IGSF9B: variants seen among roughly 807,000 people sequenced by gnomAD.
The protein encoded by IGSF9B is protein turtle homolog B.
Under a neutral mutation model 143.7 loss-of-function variants are expected in IGSF9B, and 48 were observed. The ratio of observed to expected loss-of-function variants is 0.33; its 90% CI spans 0.26 to 0.42. The LOEUF is 0.42. Ranked by LOEUF, IGSF9B falls within the 20% of genes least tolerant of loss-of-function variation. IGSF9B has a pLI of 1.00. For missense variants in IGSF9B, 1,706 were observed against 1,980.0 expected (o/e 0.86, Z 2.63); for synonymous variants, 903 against 833.1 (o/e 1.08, Z -1.44).
rs1939333227 is a variant in IGSF9B at position 133,913,593 on chromosome 11, C to G, written c.3984-1586G>C. Among the ~76,000 whole-genome samples, 1 of 152,242 alleles carries G rather than the reference C, an allele frequency of 6.6e-6. No individual in the cohort carries two copies. On this transcript the variant is annotated intron_variant, in intron 18 of 19. Coordinates refer to ENST00000533871, the MANE Select transcript of IGSF9B (RefSeq NM_001277285.4). This position sits in a 1 kb window ranked among gnomAD's most constrained non-coding sequence, Gnocchi z 4.6. ...ACCTCTTGACTTTCCATAGCCCTGA[C>G]AGCAGAGCTAAGAAGGCTACACAGG...
intron 7 of IGSF9B, 60 bp downstream of exon 7, chr11:133,935,557 G>C: frequency 6.5e-7 from 1 of 1,542,420 alleles, no homozygotes; most frequent in Non-Finnish European, 8.8e-7. Context: ...CCTACAGTCT[G>C]GCTAACACCA....
intron 1 of IGSF9B, among the ~76,000 whole-genome samples, chr11:133,949,497 T>C (rs1940120250): frequency 6.6e-6 from 1 of 151,882 alleles, no homozygotes; most frequent in Admixed American, 6.6e-5. Flanking sequence ...AGATGGAGGA[T>C]AGATAGAGAA....
In IGSF9B at chr11:133,922,582, G is replaced by C. The variant is rs1203614901; in HGVS notation, c.2268C>G (p.Leu756=). 1 of 1,609,538 alleles carries C rather than the reference G, an allele frequency of 6.2e-7. No homozygotes were observed. The change falls in exon 16 of 20, where the codon CTC becomes CTG. Residue 756 remains leucine, a synonymous_variant. Transcript: ENST00000533871. ...ACAGACACCCACCTTTTTTGCGCTT[G>C]AGCTTACGCTTGCGCTGCTTGTTGA... is the stretch of plus-strand genomic sequence containing the variant. ...CFVNKQRKRK[L]KRKKDPPLSI...
chr11:133,940,485 GAAAC>G (rs1391945724), intron 3 of IGSF9B, among the ~76,000 whole-genome samples: 1 of 98,488 alleles, frequency 1.0e-5, no homozygotes, highest in Non-Finnish European at 1.9e-5. Flanking sequence ...ATCGCATACA[GAAAC>G]ATACACCTTG....
chr11:133,919,408 C>T (rs954086149), intron 18 of IGSF9B, among the ~76,000 whole-genome samples: 1 of 152,174 alleles, frequency 6.6e-6, no homozygotes. Flanking sequence ...CTCGGAGAGC[C>T]GTCAACTCCA....
chr11:133,947,192 C>T (rs138271733), intron 1 of IGSF9B, among the ~76,000 whole-genome samples: 56 of 152,260 alleles, frequency 3.7e-4, no homozygotes, highest in African/African-American at 1.3e-3. Flanking sequence ...GAGGAAGAGC[C>T]ACGCACCCCA....
chr11:133,944,929 G>A (rs1940019042), intron 2 of IGSF9B, among the ~76,000 whole-genome samples: 1 of 152,120 alleles, frequency 6.6e-6, no homozygotes, highest in African/African-American at 2.4e-5. Context: ...GTCAGTGCCA[G>A]AGAGACTATG....
chr11:133,941,032 A>C (rs942097076), intron 3 of IGSF9B, among the ~76,000 whole-genome samples: 1 of 152,208 alleles, frequency 6.6e-6, no homozygotes, highest in Admixed American at 6.5e-5. Context: ...AAAAGATAAT[A>C]AATTAAATTT....
chr11:133,938,746 G>C lies in IGSF9B; in HGVS notation c.410-785C>G, dbSNP rs145205826. Among the ~76,000 whole-genome samples the C allele has an allele frequency of 7.5e-3, 1,134 of 152,174 alleles. 6 individuals are homozygous for C. Among genetic ancestry groups the C allele is most frequent in the Admixed American group, 0.014 (212 of 15,280 alleles). On this transcript the variant is annotated intron_variant, in intron 3 of 19. Transcript: ENST00000533871. ...TCTGAACTCCAGCCCGGAGGCCCAC[G>C]GCACTAGGCTGGCGCAGGTCAAGCT...
intron 18 of IGSF9B, among the ~76,000 whole-genome samples, chr11:133,915,796 T>C (rs1565417177): frequency 6.6e-6 from 1 of 152,238 alleles, no homozygotes; most frequent in Non-Finnish European, 1.5e-5. Context: ...AGTGGCTTGA[T>C]GGGCATTTTC....
chr11:133,918,398 C>T (rs1022492899), intron 18 of IGSF9B, among the ~76,000 whole-genome samples: 1 of 152,178 alleles, frequency 6.6e-6, no homozygotes, highest in African/African-American at 2.4e-5. Context: ...CAGCGAGCAC[C>T]GGACAGGCGA....
chr11:133,939,580 G>A (rs149048230), intron 3 of IGSF9B, among the ~76,000 whole-genome samples: 173 of 152,370 alleles, frequency 1.1e-3, no homozygotes, highest in African/African-American at 4.0e-3. Context: ...CCTGCAGGCC[G>A]ATACCAAAAC....
chr11:133,956,559 G>A (rs1458827107), intron 1 of IGSF9B, 132 bp downstream of exon 1: 1 of 584,282 alleles, frequency 1.7e-6, no homozygotes, highest in East Asian at 3.7e-5. Flanking sequence ...CGGAGCCCAA[G>A]CCTCACCCGC....
At chr11:133,923,796 C>G (rs1436177801) in intron 15 of IGSF9B, among the ~76,000 whole-genome samples, 1 of 152,238 alleles carries the variant, frequency 6.6e-6, no homozygotes, top group Non-Finnish European at 1.5e-5. Context: ...CTGCCAGGAG[C>G]TGGCATAGAG....
At position 133,919,919 on chromosome 11, in the gene IGSF9B, T is replaced by C. The variant is rs1939482487; in HGVS notation, c.3806A>G (p.Tyr1269Cys). The C allele has an allele frequency of 6.4e-7, 1 of 1,559,038 alleles. No homozygotes were observed. The highest frequency in any genetic ancestry group is 1.9e-5 in the Admixed American group (1 of 51,762). ...AGTGGTGAAGCCCATGGCGGGCCGGTAGCTGGGACTCCCACTGCGGCTGCT... is the reference window on the plus strand; with the variant it reads ...AGTGGTGAAGCCCATGGCGGGCCGGCAGCTGGGACTCCCACTGCGGCTGCT... ...SQSSRSGSPS[Y>C]RPAMGFTTLA... Residue 1269 changes from tyrosine to cysteine, a missense_variant, in exon 18 of 20, where the codon TAC becomes TGC. Around this residue, in one of 7 missense-constraint regions of IGSF9B, gnomAD observed 880 missense variants for 762.9 expected, o/e 1.15. Coordinates refer to ENST00000533871, the MANE Select transcript of IGSF9B (RefSeq NM_001277285.4).
intron 7 of IGSF9B, among the ~76,000 whole-genome samples, chr11:133,934,610 G>A (rs1167822753): frequency 6.6e-6 from 1 of 152,202 alleles, no homozygotes; most frequent in South Asian, 2.1e-4. Context: ...GAGTGAGACT[G>A]CGAGGTTAGG....
intron 3 of IGSF9B, among the ~76,000 whole-genome samples, chr11:133,943,273 C>T (rs329645): frequency 0.68 from 103,201 of 152,132 alleles, 35,363 homozygotes; most frequent in Middle Eastern, 0.78. Flanking sequence ...AATGGAATAA[C>T]GAAGGACACA....
intron 1 of IGSF9B, chr11:133,951,884 A>G (rs906491959): frequency 3.8e-6 from 1 of 260,942 alleles, no homozygotes; most frequent in Non-Finnish European, 8.1e-6. Context: ...CTCCCCGGGC[A>G]ACATCAACAT....
In IGSF9B at chr11:133,931,182, T is replaced by C. The variant is rs747050377; in HGVS notation, c.1369-48A>G. Reference sequence around the variant, plus strand: ...AGAGGGTGGGAACAGAAATGGGGGTTAGGAGAGAAGCCCGAAGCAGATGGG... The same window carrying C: ...AGAGGGTGGGAACAGAAATGGGGGTCAGGAGAGAAGCCCGAAGCAGATGGG... On this transcript the variant is annotated intron_variant, in intron 10 of 19. Coordinates refer to ENST00000533871, the MANE Select transcript of IGSF9B (RefSeq NM_001277285.4). This position sits in a 1 kb window ranked among gnomAD's most constrained non-coding sequence, Gnocchi z 7.7. The C allele has an allele frequency of 6.4e-7, 1 of 1,573,562 alleles. No individual in the cohort carries two copies. The highest frequency in any genetic ancestry group is 2.3e-5 in the East Asian group (1 of 44,208).
Sources: allele counts gnomAD v4.1 joint callset (sites outside exome capture counted in the v4.1 genomes callset), GRCh38; gene constraint gnomAD v4.1.1; regional missense constraint gnomAD v4.1.1; non-coding constraint Gnocchi (gnomAD v3.1); transcripts MANE v1.5; gene names NCBI Gene and HGNC (gene_info 2026-07-23, HGNC 2026-07-21).